Variants in RAB3GAP2 observed in about 807,000 individuals in gnomAD.
The protein encoded by RAB3GAP2 is rab3 GTPase-activating protein non-catalytic subunit.
In RAB3GAP2, 87 loss-of-function variants were observed where a neutral mutation model predicts 185.3. The observed-to-expected ratio is 0.47, with a 90% confidence interval of 0.39 to 0.56. The LOEUF (loss-of-function observed/expected upper bound fraction) is 0.56. Among genes scored for constraint, RAB3GAP2 ranks in the 20% least tolerant of loss-of-function variants. The pLI, the probability that RAB3GAP2 is intolerant of heterozygous loss-of-function variation, is 0.00. For synonymous variants in RAB3GAP2, 554 were observed against 576.1 expected (o/e 0.96, Z 0.55); for missense variants, 1,492 against 1,638.2 (o/e 0.91, Z 1.54).
At chr1:220,182,157 T>C in intron 21 of RAB3GAP2, 100 bp downstream of exon 21, 1 of 1,568,532 alleles carries the variant, frequency 6.4e-7, no homozygotes, top group South Asian at 1.2e-5. Context: ...GGACATTCTG[T>C]GATATCCTAA....
intron 1 of RAB3GAP2, among the ~76,000 whole-genome samples, chr1:220,233,083 G>A (rs939410137): frequency 2.0e-5 from 3 of 152,160 alleles, no homozygotes; most frequent in Non-Finnish European, 2.9e-5. Flanking sequence ...GCAAAATTGT[G>A]TGCAAGTTAT....
chr1:220,208,582 T>C (rs1296829442), intron 7 of RAB3GAP2, among the ~76,000 whole-genome samples: 1 of 152,224 alleles, frequency 6.6e-6, no homozygotes, highest in Non-Finnish European at 1.5e-5. Context: ...TAACATTTAC[T>C]GCCAATGTAG....
intron 7 of RAB3GAP2, 107 bp from the exon 8 acceptor site, chr1:220,206,113 A>C: frequency 1.4e-6 from 1 of 706,746 alleles, no homozygotes; most frequent in Non-Finnish European, 2.4e-6. Flanking sequence ...CCAACACCCA[A>C]AGCAATATCA....
At chr1:220,250,542 T>C (rs1456435241) in intron 1 of RAB3GAP2, among the ~76,000 whole-genome samples, 1 of 152,222 alleles carries the variant, frequency 6.6e-6, no homozygotes, top group Admixed American at 6.5e-5. Flanking sequence ...GGGGGACTGT[T>C]GGAAGGACAT....
chr1:220,182,133 T>C (rs1302885592), intron 21 of RAB3GAP2, 124 bp downstream of exon 21: 2 of 1,498,986 alleles, frequency 1.3e-6, no homozygotes, highest in Non-Finnish European at 1.8e-6. Flanking sequence ...TGATCATTTT[T>C]AGAAAGTTTT....
chr1:220,258,635 G>A (rs1660080661), intron 1 of RAB3GAP2, among the ~76,000 whole-genome samples: 2 of 152,138 alleles, frequency 1.3e-5, no homozygotes, highest in African/African-American at 2.4e-5. Flanking sequence ...ATATCATACT[G>A]AATGGGCAAA....
In RAB3GAP2 at chr1:220,157,273, A is replaced by G. The variant is rs767657231; in HGVS notation, c.3552T>C (p.Ser1184=). 1.2e-6 allele frequency: 2 copies of G among 1,612,366 alleles called. No individual in the cohort carries two copies. Among genetic ancestry groups the G allele is most frequent in the East Asian group, 2.2e-5 (1 of 44,884 alleles). ...TGAAATCCTGTGAGGTACTTACCTT[A>G]CTGTCAAAAAGTGAAAGTGGCTTCA... ...KTVKPLSLFD[S]KGKNAFFKDL... Residue 1184 remains serine (S), a synonymous_variant, in exon 31 of 35, where the codon AGT becomes AGC. Coordinates refer to ENST00000358951, the MANE Select transcript of RAB3GAP2 (RefSeq NM_012414.4).
At chr1:220,238,048 T>C (rs1659626470) in intron 1 of RAB3GAP2, among the ~76,000 whole-genome samples, 1 of 152,086 alleles carries the variant, frequency 6.6e-6, no homozygotes, top group Non-Finnish European at 1.5e-5. Flanking sequence ...TTTTTTTAGT[T>C]TAGTTTAGTT....
chr1:220,234,532 T>C (rs1659558958), intron 1 of RAB3GAP2, among the ~76,000 whole-genome samples: 1 of 152,240 alleles, frequency 6.6e-6, no homozygotes, highest in African/African-American at 2.4e-5. Flanking sequence ...ATCATTTGAT[T>C]AACATTGCAC....
chr1:220,157,543 C>G (rs1428866544), intron 30 of RAB3GAP2, 55 bp from the exon 31 acceptor site: 4 of 1,544,094 alleles, frequency 2.6e-6, no homozygotes, highest in Non-Finnish European at 2.7e-6. Flanking sequence ...TAATAGCTTA[C>G]AAATATCCCA....
At chr1:220,241,212 GTGTA>G (rs1659691713) in intron 1 of RAB3GAP2, among the ~76,000 whole-genome samples, 1 of 151,990 alleles carries the variant, frequency 6.6e-6, no homozygotes, top group Non-Finnish European at 1.5e-5. Flanking sequence ...CATAAACTGA[GTGTA>G]TGTTTTTTTT....
At chr1:220,266,454 C>G (rs1260738651) in intron 1 of RAB3GAP2, 1 of 491,208 alleles carries the variant, frequency 2.0e-6, no homozygotes, top group East Asian at 3.8e-5. Context: ...TGCAGTCGAA[C>G]CTTGCCTCCA....
intron 30 of RAB3GAP2, 41 bp downstream of exon 30, chr1:220,157,761 A>C (rs376896610): frequency 8.8e-5 from 130 of 1,483,200 alleles, no homozygotes; most frequent in Middle Eastern, 1.7e-4. Context: ...AATATGTAAT[A>C]TCTTAGGAGC....
At chr1:220,244,490 C>G (rs1659760110) in intron 1 of RAB3GAP2, among the ~76,000 whole-genome samples, 1 of 152,084 alleles carries the variant, frequency 6.6e-6, no homozygotes, top group Non-Finnish European at 1.5e-5. Context: ...CCAAAGCAAT[C>G]TACACATTCA....
rs577045720 is a variant in RAB3GAP2, at chr1:220,231,611, C to T, written c.180+1188G>A. Reference sequence around the variant, plus strand: ...CAGGAGAAGCTGACCCTCTTATCCTCTAACTCCAGGGAATAATATGATTCA... The same window carrying T: ...CAGGAGAAGCTGACCCTCTTATCCTTTAACTCCAGGGAATAATATGATTCA... On this transcript the variant is annotated intron_variant, in intron 2 of 34. Coordinates refer to ENST00000358951, the MANE Select transcript of RAB3GAP2 (RefSeq NM_012414.4). Among the ~76,000 whole-genome samples, 9 of 152,314 alleles carry T rather than the reference C, an allele frequency of 5.9e-5. No homozygotes were observed. In the East Asian group the frequency reaches 9.7e-4, roughly 16 times the overall value.
At chr1:220,184,199 T>C (rs1658468872) in intron 18 of RAB3GAP2, 36 bp from the exon 19 acceptor site, 1 of 1,557,320 alleles carries the variant, frequency 6.4e-7, no homozygotes, top group Non-Finnish European at 8.8e-7. Context: ...ATAAGAGATA[T>C]ATTTAACAGA....
At chr1:220,245,055 A>T (rs970419870) in intron 1 of RAB3GAP2, among the ~76,000 whole-genome samples, 3 of 152,176 alleles carry the variant, frequency 2.0e-5, no homozygotes, top group African/African-American at 7.2e-5. Flanking sequence ...GGGAGAAAAT[A>T]TTCAAAAACC....
chr1:220,183,358 C>T (rs1219298752), intron 19 of RAB3GAP2, among the ~76,000 whole-genome samples: 1 of 151,744 alleles, frequency 6.6e-6, no homozygotes, highest in African/African-American at 2.4e-5. Flanking sequence ...AAGCAATCCT[C>T]CTGCCTCAGC....
At chr1:220,238,111 G>A (rs1466370884) in intron 1 of RAB3GAP2, among the ~76,000 whole-genome samples, 1 of 152,120 alleles carries the variant, frequency 6.6e-6, no homozygotes, top group Non-Finnish European at 1.5e-5. Context: ...TGCAATTATA[G>A]CTCACTGCAG....
Sources: allele counts gnomAD v4.1 joint callset (sites outside exome capture counted in the v4.1 genomes callset), GRCh38; gene constraint gnomAD v4.1.1; transcripts MANE v1.5; gene names NCBI Gene and HGNC (gene_info 2026-07-23, HGNC 2026-07-21).